TRHR: variants seen among roughly 807,000 people sequenced by gnomAD.
TRHR encodes thyrotropin-releasing hormone receptor.
TRHR carries 14 observed loss-of-function variants against 28.0 expected under a neutral mutation model. The observed-to-expected ratio is 0.50, with a 90% confidence interval of 0.33 to 0.78. The LOEUF (loss-of-function observed/expected upper bound fraction) is 0.78, where lower values mean the gene tolerates loss of function less well. TRHR is among the 30% of genes least tolerant of loss of function. The pLI is 0.02. For missense variants in TRHR, 438 were observed against 469.5 expected (o/e 0.93, Z 0.62); for synonymous variants, 176 against 171.9 (o/e 1.02, Z -0.18).
chr8:109,098,506 G>A (rs1586188103), intron 2 of TRHR, among the ~76,000 whole-genome samples: 1 of 152,000 alleles, frequency 6.6e-6, no homozygotes, highest in East Asian at 1.9e-4. Context: ...CATCTAAAAT[G>A]CAAACTTGCT....
chr8:109,105,929 C>T (rs1811744384), intron 2 of TRHR, among the ~76,000 whole-genome samples: 1 of 152,024 alleles, frequency 6.6e-6, no homozygotes, highest in South Asian at 2.1e-4. Context: ...GACTCCTGAG[C>T]CATTCCTAAA....
chr8:109,100,445 T>A (rs1242484799), intron 2 of TRHR, among the ~76,000 whole-genome samples: 1 of 152,154 alleles, frequency 6.6e-6, no homozygotes, highest in Middle Eastern at 3.2e-3. Context: ...TGGTTTTTTT[T>A]TTGAATTCTA....
intron 2 of TRHR, among the ~76,000 whole-genome samples, chr8:109,115,099 A>G (rs746507989): frequency 2.0e-5 from 3 of 152,122 alleles, no homozygotes; most frequent in Non-Finnish European, 4.4e-5. Flanking sequence ...CATACACCCT[A>G]TACGCTACTC....
Position 109,119,879 on chromosome 8 carries a change from A to T in TRHR, c.*424A>T, listed in dbSNP as rs1308913238. 1.3e-5 allele frequency among the ~76,000 whole-genome samples: 2 copies of T among 151,862 alleles called. No homozygotes were observed. Among genetic ancestry groups the T allele is most frequent in the African/African-American group, 4.8e-5 (2 of 41,392 alleles). On this transcript the variant is annotated 3_prime_UTR_variant, in exon 3 of 3. Transcript: ENST00000518632. ...AACATGCAGATTTTTAAATGTTTGC[A>T]TTTAGTATTCATTTTAACATAGTAC...
chr8:109,118,911 T>G, intron 2 of TRHR, 137 bp from the exon 3 acceptor site: 1 of 1,075,762 alleles, frequency 9.3e-7, no homozygotes, highest in Non-Finnish European at 1.4e-6. Context: ...TGGGATCACC[T>G]CCCCAATAAA....
Position 109,119,842 on chromosome 8 carries a change from C to T in TRHR, c.*387C>T, listed in dbSNP as rs1811978993. On this transcript the variant is annotated 3_prime_UTR_variant, in exon 3 of 3. Transcript: ENST00000518632. ...AACTTCCCTAATTTATTTATACATT[C>T]GATAATTTGACAACATGCAGATTTT... is the stretch of plus-strand genomic sequence containing the variant. Among the ~76,000 whole-genome samples the T allele has an allele frequency of 6.6e-6, 1 of 151,682 alleles. No individual in the cohort carries two copies. Among genetic ancestry groups the T allele is most frequent in the East Asian group, 1.9e-4 (1 of 5,162 alleles).
At chr8:109,102,775 A>C (rs772074153) in intron 2 of TRHR, among the ~76,000 whole-genome samples, 5 of 152,084 alleles carry the variant, frequency 3.3e-5, no homozygotes, top group Admixed American at 6.6e-5. Flanking sequence ...TTAAAAATAA[A>C]TGAACTGGTG....
In TRHR at chr8:109,087,678, A is replaced by G. The variant is rs1214964830; in HGVS notation, c.166A>G (p.Met56Val). 1 of 1,613,986 alleles carries G rather than the reference A, an allele frequency of 6.2e-7. No homozygotes were observed. Among genetic ancestry groups the G allele is most frequent in the Non-Finnish European group, 8.5e-7 (1 of 1,180,044 alleles). Residue 56 changes from methionine to valine, a missense_variant, in exon 2 of 3, where the codon ATG becomes GTG. Coordinates refer to ENST00000518632, the MANE Select transcript of TRHR (RefSeq NM_003301.7). The part of the protein sequence containing the change: ...VVLVVMRTKH[M>V]RTPTNCYLVS... ...CCTGGTTGTCATGAGAACCAAGCAC[A>G]TGAGGACCCCCACAAACTGCTACCT... is the stretch of plus-strand genomic sequence containing the variant.
chr8:109,103,530 A>T (rs1483973487), intron 2 of TRHR, among the ~76,000 whole-genome samples: 1 of 152,106 alleles, frequency 6.6e-6, no homozygotes, highest in Non-Finnish European at 1.5e-5. Flanking sequence ...TTTGTGCCTC[A>T]ACAAAACCAT....
chr8:109,113,490 C>T (rs573805920), intron 2 of TRHR, among the ~76,000 whole-genome samples: 10 of 152,158 alleles, frequency 6.6e-5, no homozygotes, highest in South Asian at 6.2e-4. Context: ...CCAGAGGAAC[C>T]TAAGGAGCTG....
chr8:109,113,899 T>C (rs1811876155), intron 2 of TRHR, among the ~76,000 whole-genome samples: 1 of 152,124 alleles, frequency 6.6e-6, no homozygotes, highest in Non-Finnish European at 1.5e-5. Context: ...GTTTCTTCCA[T>C]GCAGCACATA....
At chr8:109,114,894 A>G (rs1224823014) in intron 2 of TRHR, among the ~76,000 whole-genome samples, 1 of 152,104 alleles carries the variant, frequency 6.6e-6, no homozygotes, top group Non-Finnish European at 1.5e-5. Context: ...TCACCGTCAA[A>G]TCATCAAGAA....
Position 109,119,157 on chromosome 8 carries a change from G to C in TRHR, c.899G>C (p.Trp300Ser). Reference protein sequence around the residue: ...SFLSSPFQENWFLLFCRICIY... With the variant: ...SFLSSPFQENSFLLFCRICIY... Reference sequence around the variant, plus strand: ...CTCTCCAGTCCTTTCCAAGAAAATTGGTTTTTGCTCTTTTGCAGAATTTGC... The same window carrying C: ...CTCTCCAGTCCTTTCCAAGAAAATTCGTTTTTGCTCTTTTGCAGAATTTGC... Residue 300 changes from tryptophan to serine, a missense_variant, in exon 3 of 3, where the codon TGG becomes TCG. Coordinates refer to ENST00000518632, the MANE Select transcript of TRHR (RefSeq NM_003301.7). 1.2e-6 allele frequency: 2 copies of C among 1,612,752 alleles called. No individual in the cohort carries two copies. The highest frequency in any genetic ancestry group is 1.1e-5 in the South Asian group (1 of 91,044).
chr8:109,095,927 G>T (rs1248032787), intron 2 of TRHR, among the ~76,000 whole-genome samples: 1 of 151,668 alleles, frequency 6.6e-6, no homozygotes, highest in African/African-American at 2.4e-5. Context: ...CTGCTGCCCT[G>T]GTTCACTGCC....
chr8:109,114,614 A>G (rs1334966558), intron 2 of TRHR, among the ~76,000 whole-genome samples: 1 of 152,088 alleles, frequency 6.6e-6, no homozygotes, highest in East Asian at 1.9e-4. Context: ...GAATTTGCAC[A>G]TTAAATTACT....
rs187934732 is a variant in TRHR at position 109,117,158 on chromosome 8, G to T, written c.790-1890G>T. On this transcript the variant is annotated intron_variant, in intron 2 of 2. Transcript: ENST00000518632. ...TTGGGTTTATAATTGAAGAATTTAA[G>T]TGTTTGGGTGATCATAATGGAAATA... 2.6e-3 allele frequency among the ~76,000 whole-genome samples: 398 copies of T among 152,048 alleles called. 1 individual carries two copies. The highest frequency in any genetic ancestry group is 8.8e-3 in the African/African-American group (365 of 41,528).
At chr8:109,114,910 A>G (rs962243068) in intron 2 of TRHR, among the ~76,000 whole-genome samples, 1 of 152,084 alleles carries the variant, frequency 6.6e-6, no homozygotes, top group South Asian at 2.1e-4. Context: ...AAGAACCAGA[A>G]CATTGACTGA....
In TRHR at chr8:109,119,617, G is replaced by A. The variant is rs1811976411; in HGVS notation, c.*162G>A. ...CCTAGATACTTTAACCCATGAGGAT[G>A]ATTCAGACTTTCCTTCTTACAAACT... is the stretch of plus-strand genomic sequence containing the variant. On this transcript the variant is annotated 3_prime_UTR_variant, in exon 3 of 3. Transcript: ENST00000518632. 2.1e-5 allele frequency: 16 copies of A among 752,168 alleles called. No homozygotes were observed. Among genetic ancestry groups the A allele is most frequent in the East Asian group, 1.1e-4 (4 of 36,952 alleles). 46.6% of individuals were successfully genotyped at this position (752,168 alleles called of 1,614,324 possible). A position where few individuals can be genotyped will look rare whatever the true frequency, so the allele number is the denominator to read the frequency against.
At chr8:109,112,640 T>C (rs953545718) in intron 2 of TRHR, among the ~76,000 whole-genome samples, 2 of 152,148 alleles carry the variant, frequency 1.3e-5, no homozygotes, top group African/African-American at 4.8e-5. Context: ...CATGATTCCA[T>C]AGTTACCAAT....
Sources: allele counts gnomAD v4.1 joint callset (sites outside exome capture counted in the v4.1 genomes callset), GRCh38; gene constraint gnomAD v4.1.1; transcripts MANE v1.5; gene names NCBI Gene and HGNC (gene_info 2026-07-23, HGNC 2026-07-21).